The following PTPN13 variants were observed in gnomAD, a reference collection of about 807,000 sequenced individuals.
The protein encoded by PTPN13 is tyrosine-protein phosphatase non-receptor type 13.
Under a neutral mutation model 284.0 loss-of-function variants are expected in PTPN13, and 191 were observed. The ratio of observed to expected loss-of-function variants is 0.67; its 90% CI spans 0.60 to 0.76. The LOEUF (loss-of-function observed/expected upper bound fraction) is 0.76. Among genes scored for constraint, PTPN13 ranks in the 30% least tolerant of loss-of-function variants. PTPN13 has a pLI of 0.00. For missense variants in PTPN13, 2,797 were observed against 2,939.9 expected (o/e 0.95, Z 1.12); for synonymous variants, 986 against 1,022.3 (o/e 0.96, Z 0.68).
At chr4:86,720,928 G>A (rs1379004533) in intron 9 of PTPN13, among the ~76,000 whole-genome samples, 1 of 152,014 alleles carries the variant, frequency 6.6e-6, no homozygotes, top group South Asian at 2.1e-4. Context: ...ACCAAAAAGG[G>A]CATTCAAAGT....
intron 40 of PTPN13, among the ~76,000 whole-genome samples, chr4:86,792,291 A>G (rs1362079988): frequency 6.6e-6 from 1 of 152,232 alleles, no homozygotes; most frequent in African/African-American, 2.4e-5. Context: ...AAATAAAGCA[A>G]GAAGACAAGA....
At chr4:86,773,409 T>C (rs922992140) in intron 32 of PTPN13, among the ~76,000 whole-genome samples, 4 of 140,060 alleles carry the variant, frequency 2.9e-5, no homozygotes, top group Non-Finnish European at 4.4e-5. Context: ...TTGAATGTAA[T>C]TTTTTTTTTC....
At chr4:86,643,731 C>T (rs1238798297) in intron 2 of PTPN13, among the ~76,000 whole-genome samples, 1 of 152,136 alleles carries the variant, frequency 6.6e-6, no homozygotes, top group Non-Finnish European at 1.5e-5. Flanking sequence ...AGATTTTAAT[C>T]TGTTCGGTCT....
intron 46 of PTPN13, among the ~76,000 whole-genome samples, chr4:86,810,390 G>T (rs1745098546): frequency 6.6e-6 from 1 of 151,132 alleles, no homozygotes; most frequent in African/African-American, 2.4e-5. Context: ...ATTATCTATG[G>T]GTAAAAAATG....
At chr4:86,679,741 A>G (rs1421708724) in intron 3 of PTPN13, among the ~76,000 whole-genome samples, 2 of 152,216 alleles carry the variant, frequency 1.3e-5, no homozygotes, top group Non-Finnish European at 2.9e-5. Context: ...AGATCCAGAG[A>G]TGGCTGAATG....
At chr4:86,600,174 A>G (rs1024824282) in intron 1 of PTPN13, among the ~76,000 whole-genome samples, 2 of 152,076 alleles carry the variant, frequency 1.3e-5, no homozygotes, top group Non-Finnish European at 2.9e-5. Flanking sequence ...TGAGATTCCT[A>G]AAGAATTCCC....
intron 7 of PTPN13, among the ~76,000 whole-genome samples, chr4:86,703,852 A>G (rs1731429644): frequency 1.3e-5 from 2 of 152,086 alleles, no homozygotes; most frequent in Non-Finnish European, 1.5e-5. Flanking sequence ...CTGTGCAACA[A>G]AGCGAGACTC....
At chr4:86,797,745 T>C (rs1743514091) in intron 41 of PTPN13, among the ~76,000 whole-genome samples, 1 of 151,996 alleles carries the variant, frequency 6.6e-6, no homozygotes, top group East Asian at 1.9e-4. Context: ...TTTTTAATTT[T>C]TAATGAGAAA....
Position 86,717,106 on chromosome 4 carries a change from A to C in PTPN13, c.1374A>C (p.Ser458=). ...GVDETLSQGQ[S]QRPSRQYETP... ...ATGAAACCTTAAGTCAAGGCCAGTCACAGAGACCGAGGTATGTCATGAAAA... is the reference window on the plus strand; with the variant it reads ...ATGAAACCTTAAGTCAAGGCCAGTCCCAGAGACCGAGGTATGTCATGAAAA... The change falls in exon 9 of 48, where the codon TCA becomes TCC. Residue 458 remains serine (S), a synonymous_variant. Transcript: ENST00000411767. The C allele has an allele frequency of 6.2e-7, 1 of 1,609,980 alleles. No individual in the cohort carries two copies.
intron 35 of PTPN13, among the ~76,000 whole-genome samples, chr4:86,779,002 G>C (rs1331554599): frequency 6.8e-6 from 1 of 147,872 alleles, no homozygotes; most frequent in East Asian, 2.0e-4. Flanking sequence ...GTTCTGAATT[G>C]TCTTCCGCTA....
In PTPN13 at chr4:86,594,581, CGAG is replaced by C. The variant is rs369003214; in HGVS notation, c.-198_-196del. On this transcript the variant is annotated 5_prime_UTR_variant, in exon 1 of 48. Transcript: ENST00000411767. ...TCGCCGCTGGGGAGCGTTTCCGAGG[CGAG>C]GAGGAGGAGGAGGAGATGCTGCTCC... is the stretch of plus-strand genomic sequence containing the variant. The C allele has an allele frequency of 1.3e-4, 20 of 151,872 alleles. No individual in the cohort carries two copies. Among genetic ancestry groups the C allele is most frequent in the Middle Eastern group, 3.4e-3 (1 of 296 alleles). The allele number at this position is 151,872 out of a possible 1,614,324, so 9.4% of individuals were successfully genotyped here. A position where few individuals can be genotyped will look rare whatever the true frequency, so the allele number is the denominator to read the frequency against.
chr4:86,768,018 C>T (rs1739531212), intron 28 of PTPN13, 42 bp downstream of exon 28: 1 of 1,551,758 alleles, frequency 6.4e-7, no homozygotes, highest in Non-Finnish European at 8.7e-7. Flanking sequence ...TAAATTATTC[C>T]TCGCCTATTC....
intron 5 of PTPN13, 21 bp downstream of exon 5, chr4:86,689,211 TA>T: frequency 1.3e-6 from 2 of 1,589,110 alleles, no homozygotes; most frequent in South Asian, 1.1e-5. Flanking sequence ...GTTACAATAG[TA>T]AATATAGTCA....
At chr4:86,685,232 GCTTCCTTCTC>G (rs1397234319) in intron 3 of PTPN13, among the ~76,000 whole-genome samples, 1 of 152,076 alleles carries the variant, frequency 6.6e-6, no homozygotes, top group African/African-American at 2.4e-5. Context: ...CTTTGATTCA[GCTTCCTTCTC>G]CTTGTACTAC....
At chr4:86,662,260 G>A (rs1358745446) in intron 2 of PTPN13, among the ~76,000 whole-genome samples, 3 of 152,120 alleles carry the variant, frequency 2.0e-5, no homozygotes, top group African/African-American at 7.2e-5. Flanking sequence ...ACCATTCATG[G>A]TTAACATTTT....
Position 86,720,479 on chromosome 4 carries a change from AT to A in PTPN13, c.1386-1730del, listed in dbSNP as rs775294052. Among the ~76,000 whole-genome samples, 3 of 152,278 alleles carry A rather than the reference AT, an allele frequency of 2.0e-5. No individual in the cohort carries two copies. In the East Asian group the frequency reaches 5.8e-4, roughly 29 times the overall value. On this transcript the variant is annotated intron_variant, in intron 9 of 47. Transcript: ENST00000411767. The stretch of plus-strand genomic sequence containing the variant: ...ATATAGGTTTAGGTGAAAGAAAAAT[AT>A]TTCAGGAAGTAGATTGTTAGTTGTA...
intron 2 of PTPN13, among the ~76,000 whole-genome samples, chr4:86,669,493 A>G (rs1727494870): frequency 6.6e-6 from 1 of 152,090 alleles, no homozygotes; most frequent in Admixed American, 6.6e-5. Flanking sequence ...AACTTAATAA[A>G]AAAGGAGAGA....
chr4:86,634,125 A>G (rs1722760144), intron 1 of PTPN13, among the ~76,000 whole-genome samples: 1 of 152,210 alleles, frequency 6.6e-6, no homozygotes, highest in Non-Finnish European at 1.5e-5. Flanking sequence ...TTAAAAGAAA[A>G]TAGTAGCTTG....
chr4:86,676,353 G>T (rs114143081), intron 3 of PTPN13, among the ~76,000 whole-genome samples: 607 of 152,296 alleles, frequency 4.0e-3, no homozygotes, highest in South Asian at 8.7e-3. Flanking sequence ...AAAAGAACAG[G>T]ATATAACAAC....
Sources: allele counts gnomAD v4.1 joint callset (sites outside exome capture counted in the v4.1 genomes callset), GRCh38; gene constraint gnomAD v4.1.1; transcripts MANE v1.5; gene names NCBI Gene and HGNC (gene_info 2026-07-23, HGNC 2026-07-21).